Variants in MDGA2 observed in about 807,000 individuals in gnomAD.
MDGA2 encodes MAM domain containing glycosylphosphatidylinositol anchor 2.
In MDGA2, 40 loss-of-function variants were observed where a neutral mutation model predicts 117.8. The observed-to-expected ratio is 0.34, with a 90% CI of 0.26 to 0.44. The LOEUF (loss-of-function observed/expected upper bound fraction) is 0.44, where lower values mean the gene tolerates loss of function less well. Ranked by LOEUF, MDGA2 falls within the 20% of genes least tolerant of loss-of-function variation. The pLI, the probability that MDGA2 is intolerant of heterozygous loss-of-function variation, is 1.00. For synonymous variants in MDGA2, 452 were observed against 439.0 expected (o/e 1.03, Z -0.37); for missense variants, 1,123 against 1,250.6 (o/e 0.90, Z 1.54).
At chr14:47,165,608 C>T (rs1346421723) in intron 3 of MDGA2, among the ~76,000 whole-genome samples, 1 of 152,096 alleles carries the variant, frequency 6.6e-6, no homozygotes, top group Non-Finnish European at 1.5e-5. Flanking sequence ...CTCGAAGGAC[C>T]CTCAATTGCT....
At chr14:46,890,090 A>G (rs1033714663) in intron 10 of MDGA2, among the ~76,000 whole-genome samples, 1 of 152,010 alleles carries the variant, frequency 6.6e-6, no homozygotes, top group Non-Finnish European at 1.5e-5. Context: ...CCTGACATAA[A>G]GCATTTCAGA....
intron 7 of MDGA2, among the ~76,000 whole-genome samples, chr14:47,056,975 T>C (rs886216561): frequency 4.6e-5 from 7 of 152,106 alleles, no homozygotes; most frequent in African/African-American, 1.7e-4. Context: ...TTGAAACATT[T>C]ATAACAATTT....
chr14:47,295,071 C>T (rs1889017776), intron 2 of MDGA2, among the ~76,000 whole-genome samples: 1 of 152,138 alleles, frequency 6.6e-6, no homozygotes, highest in South Asian at 2.1e-4. Flanking sequence ...AATTTTAATG[C>T]TTCCTAGTGT....
At chr14:47,084,968 A>C (rs1890844915) in intron 6 of MDGA2, among the ~76,000 whole-genome samples, 1 of 152,176 alleles carries the variant, frequency 6.6e-6, no homozygotes, top group African/African-American at 2.4e-5. Flanking sequence ...AATTCTGATC[A>C]AAATGAAATT....
intron 10 of MDGA2, among the ~76,000 whole-genome samples, chr14:46,903,247 C>T (rs933137586): frequency 2.0e-5 from 3 of 152,154 alleles, no homozygotes; most frequent in African/African-American, 7.2e-5. Flanking sequence ...CCAGATTTAG[C>T]TGAACTAAGG....
At chr14:47,609,721 C>T (rs1896814225) in intron 1 of MDGA2, among the ~76,000 whole-genome samples, 1 of 151,254 alleles carries the variant, frequency 6.6e-6, no homozygotes, top group South Asian at 2.1e-4. Flanking sequence ...TAGAAGTGTT[C>T]CCCAATCACC....
chr14:47,042,329 G>T (rs61520126), intron 7 of MDGA2, among the ~76,000 whole-genome samples: 21,686 of 100,162 alleles, frequency 0.22, 1,908 homozygotes, highest in African/African-American at 0.26. Context: ...TTTTTTTTTT[G>T]TGTGTGTGTG....
At chr14:47,378,042 G>A (rs771104202) in intron 1 of MDGA2, among the ~76,000 whole-genome samples, 3 of 152,154 alleles carry the variant, frequency 2.0e-5, no homozygotes, top group Non-Finnish European at 4.4e-5. Context: ...AGCAACATTT[G>A]CCGTTCTGCC....
At chr14:47,176,382 G>A (rs138778736) in intron 3 of MDGA2, among the ~76,000 whole-genome samples, 3,305 of 152,140 alleles carry the variant, frequency 0.022, 113 homozygotes, top group African/African-American at 0.074. Context: ...GAGGCATCAC[G>A]CTACCTGACC....
At chr14:47,529,383 T>G (rs1368856376) in intron 1 of MDGA2, among the ~76,000 whole-genome samples, 1 of 152,206 alleles carries the variant, frequency 6.6e-6, no homozygotes. Flanking sequence ...TATATATTTA[T>G]GGGAGTACAT....
intron 9 of MDGA2, among the ~76,000 whole-genome samples, chr14:46,921,038 G>C (rs1256384691): frequency 6.6e-6 from 1 of 152,020 alleles, no homozygotes; most frequent in African/African-American, 2.4e-5. Flanking sequence ...TGGAATTATA[G>C]ATCCACCTTC....
intron 1 of MDGA2, among the ~76,000 whole-genome samples, chr14:47,556,205 C>G (rs1037180810): frequency 1.3e-5 from 2 of 152,144 alleles, no homozygotes; most frequent in Non-Finnish European, 2.9e-5. Context: ...ACACATAGCA[C>G]AGCTTATAGG....
chr14:47,384,404 C>A (rs1891711582), intron 1 of MDGA2, among the ~76,000 whole-genome samples: 1 of 151,618 alleles, frequency 6.6e-6, no homozygotes, highest in Non-Finnish European at 1.5e-5. Flanking sequence ...AGTGAATGTG[C>A]AGATTCTATT....
intron 2 of MDGA2, among the ~76,000 whole-genome samples, chr14:47,293,002 T>C (rs765055527): frequency 6.6e-6 from 1 of 152,170 alleles, no homozygotes; most frequent in African/African-American, 2.4e-5. Context: ...ACTTCTGCCA[T>C]TTCTGAAAAT....
chr14:46,878,663 G>C (rs751161228), intron 11 of MDGA2, among the ~76,000 whole-genome samples: 1 of 151,696 alleles, frequency 6.6e-6, no homozygotes, highest in Non-Finnish European at 1.5e-5. Context: ...ATTATGAAAA[G>C]AATAACAGAA....
intron 1 of MDGA2, among the ~76,000 whole-genome samples, chr14:47,603,213 A>G (rs1896679708): frequency 6.6e-6 from 1 of 152,216 alleles, no homozygotes; most frequent in South Asian, 2.1e-4. Flanking sequence ...AAAGATTTAA[A>G]TAAAGGAATC....
At chr14:47,664,340 C>T (rs539081264) in intron 1 of MDGA2, among the ~76,000 whole-genome samples, 1 of 151,792 alleles carries the variant, frequency 6.6e-6, no homozygotes, top group South Asian at 2.1e-4. Context: ...GGTCTAAAAA[C>T]TAAATGATAG....
At chr14:46,990,128 G>C (rs1386017100) in intron 8 of MDGA2, among the ~76,000 whole-genome samples, 2 of 151,870 alleles carry the variant, frequency 1.3e-5, no homozygotes, top group African/African-American at 4.8e-5. Context: ...TTTCCCTTAG[G>C]TTTCAATTTC....
chr14:46,864,026 T>C (rs941631323), intron 14 of MDGA2, among the ~76,000 whole-genome samples: 1 of 151,906 alleles, frequency 6.6e-6, no homozygotes, highest in African/African-American at 2.4e-5. Context: ...TAACTCGTCA[T>C]CTAGCATTAG....
Sources: allele counts gnomAD v4.1 joint callset (sites outside exome capture counted in the v4.1 genomes callset), GRCh38; gene constraint gnomAD v4.1.1; transcripts MANE v1.5; gene names NCBI Gene and HGNC (gene_info 2026-07-23, HGNC 2026-07-21).